ANKS1A: variants seen among roughly 807,000 people sequenced by gnomAD.
ANKS1A encodes ankyrin repeat and sterile alpha motif domain containing 1A.
ANKS1A carries 55 observed loss-of-function variants against 120.3 expected under a neutral mutation model. That is an observed-to-expected ratio of 0.46 (90% CI 0.37 to 0.57). The LOEUF is 0.57. Among genes scored for constraint, ANKS1A ranks in the 20% least tolerant of loss-of-function variants. The probability of loss-of-function intolerance (pLI) is 0.00; values close to 1 mark genes in which losing one functional copy is unlikely to be tolerated. For missense variants in ANKS1A, 1,123 were observed against 1,480.3 expected (o/e 0.76, Z 3.96); for synonymous variants, 590 against 604.7 (o/e 0.98, Z 0.36).
At chr6:35,007,267 G>A (rs1773512942) in intron 10 of ANKS1A, among the ~76,000 whole-genome samples, 1 of 152,140 alleles carries the variant, frequency 6.6e-6, no homozygotes, top group South Asian at 2.1e-4. Flanking sequence ...ACCCAGAAAT[G>A]CCATTTGTGC....
intron 1 of ANKS1A, among the ~76,000 whole-genome samples, chr6:34,959,211 G>A (rs1311962710): frequency 6.6e-6 from 1 of 152,184 alleles, no homozygotes; most frequent in Non-Finnish European, 1.5e-5. Context: ...TGTGTTTTAT[G>A]TACAGACATC....
rs956427974 is a variant in ANKS1A at position 35,060,995 on chromosome 6, A to G, written c.2184+742A>G. Among the ~76,000 whole-genome samples the G allele has an allele frequency of 3.3e-5, 5 of 152,210 alleles. No homozygotes were observed. Among genetic ancestry groups the G allele is most frequent in the Non-Finnish European group, 7.3e-5 (5 of 68,042 alleles). Reference sequence around the variant, plus strand: ...ATCTGCATGCGCCGGGCCTGCTTCCAGGAGCAGGCATTTGAGCCAAAGTTA... The same window carrying G: ...ATCTGCATGCGCCGGGCCTGCTTCCGGGAGCAGGCATTTGAGCCAAAGTTA... On this transcript the variant is annotated intron_variant, in intron 13 of 23. Coordinates refer to ENST00000360359, the MANE Select transcript of ANKS1A (RefSeq NM_015245.3). The surrounding 1 kb of genome is among the most constrained non-coding windows in gnomAD (Gnocchi z 4.5).
chr6:35,074,030 C>T (rs1482780311), intron 13 of ANKS1A, among the ~76,000 whole-genome samples: 2 of 152,276 alleles, frequency 1.3e-5, no homozygotes, highest in African/African-American at 4.8e-5. Context: ...TGTTTCCATT[C>T]ATCTCTTGTT....
At position 34,970,033 on chromosome 6, in the gene ANKS1A, G is replaced by A. The variant is rs1771101402; in HGVS notation, c.302G>A (p.Arg101Lys). The A allele has an allele frequency of 1.2e-6, 2 of 1,613,704 alleles. No individual in the cohort carries two copies. Among genetic ancestry groups the A allele is most frequent in the Non-Finnish European group, 8.5e-7 (1 of 1,179,896 alleles). ...AGGGATGTGGTCGAGGTTCTTCTGA[G>A]GAACGATGCGCTGACCAACGTGGCT... ...GHKDVVEVLL[R>K]NDALTNVADS... is the part of the protein sequence containing the mutation. Residue 101 changes from arginine to lysine, a missense_variant, in exon 3 of 24, where the codon AGG (arginine) becomes AAG (lysine). Arg to Lys is a conservative substitution (Grantham distance 26). This residue lies in a region of ANKS1A where 146 missense variants were observed against 267.8 expected (regional missense o/e 0.55). Coordinates refer to ENST00000360359, the MANE Select transcript of ANKS1A (RefSeq NM_015245.3).
chr6:35,013,806 TAC>T (rs1161137149), intron 10 of ANKS1A, among the ~76,000 whole-genome samples: 1 of 152,232 alleles, frequency 6.6e-6, no homozygotes, highest in Non-Finnish European at 1.5e-5. Flanking sequence ...CTTTATATCT[TAC>T]AGAGTACTTT....
rs143079295 is a variant in ANKS1A, at chr6:35,002,067, G to A, written c.1423+7645G>A. On this transcript the variant is annotated intron_variant, in intron 10 of 23. Coordinates refer to ENST00000360359, the MANE Select transcript of ANKS1A (RefSeq NM_015245.3). ...TAATAAATAGCAAAGGACACTATTA[G>A]CTAATGAATGCTAGACTAACTAGAT... Among the ~76,000 whole-genome samples the A allele has an allele frequency of 9.7e-4, 147 of 152,276 alleles. 5 individuals are homozygous for A. In the East Asian group the frequency reaches 0.023, roughly 24 times the overall value.
At chr6:35,022,296 C>A (rs1484284525) in intron 11 of ANKS1A, among the ~76,000 whole-genome samples, 2 of 152,214 alleles carry the variant, frequency 1.3e-5, no homozygotes, top group South Asian at 4.1e-4. Context: ...TAATGGCCAG[C>A]AAATGGCTGG....
intron 12 of ANKS1A, among the ~76,000 whole-genome samples, chr6:35,055,235 C>T (rs189111742): frequency 2.0e-5 from 3 of 152,318 alleles, no homozygotes; most frequent in African/African-American, 7.2e-5. Context: ...CTTGGCAAGT[C>T]ACTTAATGTC....
Position 34,982,241 on chromosome 6 carries a change from CT to C in ANKS1A, c.732+256del, listed in dbSNP as rs1224431618. On this transcript the variant is annotated intron_variant, in intron 4 of 23. Transcript: ENST00000360359. The surrounding 1 kb of genome is among the most constrained non-coding windows in gnomAD (Gnocchi z 4.9). ...CTGAAAAGATGTGCTTATGGACTGGCTCTCAAAACCAGAAAAGTTTCATTAT... is the reference window on the plus strand; with the variant it reads ...CTGAAAAGATGTGCTTATGGACTGGCCTCAAAACCAGAAAAGTTTCATTAT... 2.6e-5 allele frequency among the ~76,000 whole-genome samples: 4 copies of C among 152,188 alleles called. No individual in the cohort carries two copies. Among genetic ancestry groups the C allele is most frequent in the Non-Finnish European group, 5.9e-5 (4 of 68,022 alleles).
chr6:34,919,488 C>T lies in ANKS1A; in HGVS notation c.197+29889C>T, dbSNP rs145827315. On this transcript the variant is annotated intron_variant, in intron 1 of 23. Transcript: ENST00000360359. ...ATTTGCAATTCCCTTGAACCTGGGC[C>T]CTACTCTGTCTTGCATCTAGACCTC... Among the ~76,000 whole-genome samples the T allele has an allele frequency of 6.2e-3, 949 of 152,226 alleles. 8 individuals carry two copies. The highest frequency in any genetic ancestry group is 0.027 in the Middle Eastern group (8 of 294).
chr6:35,028,845 A>G (rs531421584), intron 11 of ANKS1A, among the ~76,000 whole-genome samples: 1 of 152,324 alleles, frequency 6.6e-6, no homozygotes, highest in African/African-American at 2.4e-5. Context: ...TGGACATTCT[A>G]CATGTTACCA....
intron 3 of ANKS1A, among the ~76,000 whole-genome samples, chr6:34,976,852 A>T (rs1338274565): frequency 2.0e-5 from 3 of 152,114 alleles, no homozygotes; most frequent in Admixed American, 2.0e-4. Flanking sequence ...CATGGACATT[A>T]TGACCCTTTA....
chr6:34,945,929 T>G (rs551865816), intron 1 of ANKS1A, among the ~76,000 whole-genome samples: 10 of 151,792 alleles, frequency 6.6e-5, no homozygotes, highest in African/African-American at 1.7e-4. Flanking sequence ...TTTTTGATAT[T>G]AGTAATTTGT....
intron 1 of ANKS1A, among the ~76,000 whole-genome samples, chr6:34,930,143 G>T (rs1027419983): frequency 2.0e-5 from 3 of 152,108 alleles, no homozygotes; most frequent in African/African-American, 7.2e-5. Context: ...CAGGAAGTTG[G>T]TTTTCACATC....
At chr6:34,964,236 C>G (rs1384425113) in intron 1 of ANKS1A, among the ~76,000 whole-genome samples, 1 of 152,102 alleles carries the variant, frequency 6.6e-6, no homozygotes, top group Non-Finnish European at 1.5e-5. Context: ...TCTTCTTTTC[C>G]TTGCGCATAG....
chr6:35,091,728 C>T (rs896921503), downstream of ANKS1A, among the ~76,000 whole-genome samples: 5 of 152,178 alleles, frequency 3.3e-5, no homozygotes, highest in African/African-American at 7.2e-5. Context: ...GCTTGTCCAC[C>T]CATAGACATG....
chr6:34,979,616 A>G (rs1410649658), intron 3 of ANKS1A, among the ~76,000 whole-genome samples: 1 of 150,600 alleles, frequency 6.6e-6, no homozygotes, highest in Non-Finnish European at 1.5e-5. Flanking sequence ...TCTTTGCTGG[A>G]TGGTTTAGAC....
chr6:35,065,164 G>A (rs1378770069), intron 13 of ANKS1A, among the ~76,000 whole-genome samples: 1 of 152,074 alleles, frequency 6.6e-6, no homozygotes, highest in African/African-American at 2.4e-5. Context: ...GTGAGACAAG[G>A]GACAGGCTCA....
intron 8 of ANKS1A, 51 bp from the exon 9 acceptor site, chr6:34,989,173 T>C: frequency 1.9e-6 from 3 of 1,583,386 alleles, no homozygotes; most frequent in Middle Eastern, 1.7e-4. Flanking sequence ...ACCAAAAAAT[T>C]AGATACTTAA....
Sources: gnomAD v4.1 joint callset for allele counts (sites outside exome capture counted in the v4.1 genomes callset) on GRCh38, gnomAD v4.1.1 for gene constraint, gnomAD v4.1.1 regional missense constraint, Gnocchi (gnomAD v3.1) non-coding constraint, MANE v1.5 for transcripts, NCBI Gene and HGNC (gene_info 2026-07-23, HGNC 2026-07-21) for gene names.